The following MTUS2 variants were observed in gnomAD, a reference collection of about 807,000 sequenced individuals.
MTUS2 encodes the protein microtubule-associated tumor suppressor candidate 2.
A neutral mutation model predicts 114.1 loss-of-function variants in MTUS2; 40 were observed. The ratio of observed to expected loss-of-function variants is 0.35; its 90% CI spans 0.27 to 0.46. The LOEUF is 0.46. Among genes scored for constraint, MTUS2 ranks in the 20% least tolerant of loss-of-function variants. The pLI is 1.00. For synonymous variants in MTUS2, 688 were observed against 672.0 expected, an observed-to-expected ratio of 1.02 and a Z score of -0.37; for missense variants, 1,679 against 1,705.4, an observed-to-expected ratio of 0.98 and a Z score of 0.27.
At chr13:29,120,135 G>C (rs1891246349) in intron 5 of MTUS2, among the ~76,000 whole-genome samples, 1 of 152,028 alleles carries the variant, frequency 6.6e-6, no homozygotes, top group Non-Finnish European at 1.5e-5. Flanking sequence ...GTAATACATA[G>C]AGTATTGGTG....
intron 5 of MTUS2, among the ~76,000 whole-genome samples, chr13:29,194,459 GA>G (rs1157593763): frequency 1.3e-5 from 2 of 152,000 alleles, no homozygotes; most frequent in Non-Finnish European, 2.9e-5. Flanking sequence ...CTTCTCAAAA[GA>G]AGACATTTTT....
At chr13:29,492,113 GGT>G (rs369765428) in intron 11 of MTUS2, among the ~76,000 whole-genome samples, 11,298 of 140,550 alleles carry the variant, frequency 0.08, 1,699 homozygotes, top group African/African-American at 0.29. Context: ...GTATGTGTGT[GGT>G]GTGTGTGTGT....
At chr13:29,156,584 C>A (rs1454130631) in intron 5 of MTUS2, among the ~76,000 whole-genome samples, 1 of 152,124 alleles carries the variant, frequency 6.6e-6, no homozygotes, top group African/African-American at 2.4e-5. Flanking sequence ...TGATCTTCAG[C>A]AAGTCACTAG....
intron 2 of MTUS2, among the ~76,000 whole-genome samples, chr13:29,007,583 C>T (rs1218205375): frequency 1.3e-5 from 2 of 152,170 alleles, no homozygotes; most frequent in East Asian, 3.9e-4. Context: ...TTTTCTTCTG[C>T]CTCCGCCACT....
At chr13:29,495,681 G>A (rs2138999040) in intron 12 of MTUS2, among the ~76,000 whole-genome samples, 1 of 152,068 alleles carries the variant, frequency 6.6e-6, no homozygotes, top group East Asian at 1.9e-4. Flanking sequence ...GACCAGCCTG[G>A]GCAACATGGC....
intron 12 of MTUS2, among the ~76,000 whole-genome samples, chr13:29,495,181 C>CAAAAAAAAAAAAAAAAAAAAAAAAATAA: frequency 3.3e-5 from 1 of 30,068 alleles, no homozygotes; most frequent in Non-Finnish European, 5.9e-5. Flanking sequence ...AACTCCGTCT[C>CAAAAAAAAAAAAAAAAAAAAAAAAATAA]AAAAAAAAAA....
intron 8 of MTUS2, among the ~76,000 whole-genome samples, chr13:29,418,455 A>C (rs1395575194): frequency 6.6e-6 from 1 of 152,220 alleles, no homozygotes; most frequent in African/African-American, 2.4e-5. Flanking sequence ...TTTTCTGCTC[A>C]TACAGATCAA....
At chr13:29,276,779 T>TC (rs1898079673) in intron 5 of MTUS2, among the ~76,000 whole-genome samples, 1 of 152,018 alleles carries the variant, frequency 6.6e-6, no homozygotes, top group South Asian at 2.1e-4. Context: ...GCGCCTGTAG[T>TC]CCCAGCTACT....
chr13:28,954,687 C>T (rs115700126), intron 2 of MTUS2, among the ~76,000 whole-genome samples: 31 of 152,178 alleles, frequency 2.0e-4, no homozygotes, highest in South Asian at 6.2e-4. Context: ...CTTCCAAGAA[C>T]GTGTGTGACA....
At chr13:28,986,007 G>A (rs145263379) in intron 2 of MTUS2, among the ~76,000 whole-genome samples, 1 of 152,184 alleles carries the variant, frequency 6.6e-6, no homozygotes, top group East Asian at 1.9e-4. Flanking sequence ...TCTTTCTCTC[G>A]AGCTCTGATG....
intron 5 of MTUS2, among the ~76,000 whole-genome samples, chr13:29,190,807 C>A (rs1894416681): frequency 6.6e-6 from 1 of 152,216 alleles, no homozygotes; most frequent in Admixed American, 6.5e-5. Flanking sequence ...GGGCTGCTTC[C>A]AGGTCTGCTA....
intron 4 of MTUS2, among the ~76,000 whole-genome samples, chr13:29,094,191 A>G (rs898694733): frequency 6.6e-6 from 1 of 151,900 alleles, no homozygotes; most frequent in African/African-American, 2.4e-5. Flanking sequence ...TTTAGCATCA[A>G]GATTATACTG....
intron 8 of MTUS2, among the ~76,000 whole-genome samples, chr13:29,360,183 G>T (rs1325010354): frequency 1.3e-5 from 2 of 152,176 alleles, no homozygotes; most frequent in Admixed American, 6.5e-5. Flanking sequence ...TGTGCTTGGG[G>T]GAGAAAAAGC....
At chr13:28,862,456 C>A (rs889823991) in intron 2 of MTUS2, among the ~76,000 whole-genome samples, 5 of 151,984 alleles carry the variant, frequency 3.3e-5, no homozygotes, top group Non-Finnish European at 2.9e-5. Context: ...ACTAAAAATT[C>A]AAAAAAATTA....
At position 29,025,568 on chromosome 13, in the gene MTUS2, G is replaced by A. The variant is rs781343898; in HGVS notation, c.870G>A (p.Ser290=). 3.7e-6 allele frequency: 6 copies of A among 1,613,920 alleles called. No homozygotes were observed. The highest frequency in any genetic ancestry group is 2.2e-5 in the South Asian group (2 of 91,050). ...PEPALNLTLA[S]KEIPSKLEAQ... ...CTGCTCTGAATTTGACTTTGGCATC[G>A]AAGGAAATCCCAAGTAAACTGGAAG... The change falls in exon 3 of 16, where the codon TCG becomes TCA. Residue 290 remains serine (S), a synonymous_variant. Coordinates refer to ENST00000612955, the MANE Select transcript of MTUS2 (RefSeq NM_001033602.4).
chr13:29,045,241 G>A (rs1263865926), intron 4 of MTUS2, among the ~76,000 whole-genome samples: 1 of 152,164 alleles, frequency 6.6e-6, no homozygotes, highest in African/African-American at 2.4e-5. Flanking sequence ...CATAGATTGG[G>A]TGAGGCTGAG....
At chr13:28,985,268 A>G (rs1593356626) in intron 2 of MTUS2, among the ~76,000 whole-genome samples, 1 of 152,358 alleles carries the variant, frequency 6.6e-6, no homozygotes, top group East Asian at 1.9e-4. Flanking sequence ...ATCTGGCTGT[A>G]TATGCATGCT....
chr13:29,079,629 TA>T (rs1889353764), intron 4 of MTUS2, among the ~76,000 whole-genome samples: 1 of 152,216 alleles, frequency 6.6e-6, no homozygotes. Context: ...TAAGTATATT[TA>T]ACACCATTTG....
intron 5 of MTUS2, among the ~76,000 whole-genome samples, chr13:29,249,274 T>C (rs1208615745): frequency 6.6e-6 from 1 of 152,098 alleles, no homozygotes; most frequent in Non-Finnish European, 1.5e-5. Context: ...CAGGCTTGAG[T>C]CACCGCACCC....
Sources: gnomAD v4.1 joint callset for allele counts (sites outside exome capture counted in the v4.1 genomes callset) on GRCh38, gnomAD v4.1.1 for gene constraint, MANE v1.5 for transcripts, NCBI Gene and HGNC (gene_info 2026-07-23, HGNC 2026-07-21) for gene names.